Variants in NME8 observed in about 807,000 individuals in gnomAD.
NME8 encodes NME/NM23 family member 8.
In NME8, 72 loss-of-function variants were observed where a neutral mutation model predicts 82.3. That is an observed-to-expected ratio of 0.87 (90% confidence interval 0.72 to 1.06). The LOEUF (loss-of-function observed/expected upper bound fraction) is 1.06. NME8 is among the 50% of genes least tolerant of loss of function. The pLI, the probability that NME8 is intolerant of heterozygous loss-of-function variation, is 0.00. For synonymous variants in NME8, 267 were observed against 228.5 expected (o/e 1.17, Z -1.52); for missense variants, 712 against 685.4 (o/e 1.04, Z -0.43).
At chr7:37,855,420 TA>T (rs1562828536) in intron 5 of NME8, among the ~76,000 whole-genome samples, 1 of 152,166 alleles carries the variant, frequency 6.6e-6, no homozygotes, top group African/African-American at 2.4e-5. Context: ...CTGCAATGCA[TA>T]AAATGGTTGA....
intron 15 of NME8, among the ~76,000 whole-genome samples, chr7:37,890,864 T>C (rs114216665): frequency 0.02 from 3,088 of 152,090 alleles, 43 homozygotes; most frequent in Non-Finnish European, 0.019. Flanking sequence ...TTTATTTAGG[T>C]TGATTCCAAA....
intron 5 of NME8, among the ~76,000 whole-genome samples, chr7:37,856,966 A>C (rs964760246): frequency 3.3e-5 from 5 of 152,188 alleles, no homozygotes; most frequent in African/African-American, 1.2e-4. Flanking sequence ...GAAGTGAGAC[A>C]GAATTGGAGG....
chr7:37,863,063 T>C (rs1478738506), intron 7 of NME8, among the ~76,000 whole-genome samples: 1 of 152,014 alleles, frequency 6.6e-6, no homozygotes, highest in Admixed American at 6.6e-5. Context: ...GAGATTGCAG[T>C]GAGCCAAAAT....
At chr7:37,893,528 G>T (rs1374389155) in intron 15 of NME8, among the ~76,000 whole-genome samples, 1 of 151,990 alleles carries the variant, frequency 6.6e-6, no homozygotes, top group Non-Finnish European at 1.5e-5. Flanking sequence ...TCTGCACTTG[G>T]CATACATTAC....
At chr7:37,899,993 T>C (rs996782706) in intron 17 of NME8, among the ~76,000 whole-genome samples, 1 of 152,208 alleles carries the variant, frequency 6.6e-6, no homozygotes, top group African/African-American at 2.4e-5. Flanking sequence ...CTTGAACGGG[T>C]TGGGTAGAAA....
intron 12 of NME8, among the ~76,000 whole-genome samples, chr7:37,879,975 T>A (rs569756974): frequency 6.6e-6 from 1 of 152,334 alleles, no homozygotes; most frequent in African/African-American, 2.4e-5. Flanking sequence ...TTTCATATGC[T>A]TACTAATCAT....
intron 17 of NME8, 35 bp downstream of exon 17, chr7:37,897,142 T>A: frequency 7.3e-7 from 1 of 1,362,014 alleles, no homozygotes; most frequent in South Asian, 1.2e-5. Flanking sequence ...TTATTTTATT[T>A]GCTTGTTGCA....
intron 12 of NME8, among the ~76,000 whole-genome samples, chr7:37,879,491 A>C (rs2131962451): frequency 6.6e-6 from 1 of 152,206 alleles, no homozygotes; most frequent in South Asian, 2.1e-4. Context: ...AGCAATGTGC[A>C]TTTTGTGTTC....
At position 37,848,607 on chromosome 7, in the gene NME8, G is replaced by C. The variant is rs190608230; in HGVS notation, c.-362G>C. ...GGAGGATGGGGGATGGGAGTTTGGG[G>C]ATGAGGCAGCTGAAGAACAGAGTCT... On this transcript the variant is annotated 5_prime_UTR_variant, in exon 1 of 18. Transcript: ENST00000199447. 1 of 152,570 alleles carries C rather than the reference G, an allele frequency of 6.6e-6. No individual in the cohort carries two copies. Among genetic ancestry groups the C allele is most frequent in the Non-Finnish European group, 1.5e-5 (1 of 68,222 alleles). 9.5% of individuals were successfully genotyped at this position (152,570 alleles called of 1,614,324 possible). A position where few individuals can be genotyped will look rare whatever the true frequency, so the allele number is the denominator to read the frequency against.
chr7:37,882,599 G>GAAAGAAAC (rs1374421441), intron 12 of NME8, among the ~76,000 whole-genome samples: 13 of 39,786 alleles, frequency 3.3e-4, no homozygotes, highest in African/African-American at 7.2e-4. Context: ...AAGAAAGAAA[G>GAAAGAAAC]AGAGAGAGAG....
intron 15 of NME8, among the ~76,000 whole-genome samples, chr7:37,889,294 A>G (rs979046384): frequency 2.6e-5 from 4 of 151,664 alleles, no homozygotes; most frequent in African/African-American, 4.8e-5. Context: ...ATTCTCTTTC[A>G]AACAATAAAA....
chr7:37,894,046 T>C lies in NME8; in HGVS notation c.1400-420T>C, dbSNP rs1452443698. Among the ~76,000 whole-genome samples, 7 of 152,306 alleles carry C rather than the reference T, an allele frequency of 4.6e-5. No individual in the cohort carries two copies. In the East Asian group the frequency reaches 1.3e-3, roughly 29 times the overall value. ...GCTGTTGGTGAGATTTTGACAACAT[T>C]TGCTTTGTTTAATTCCCTCGATGGT... On this transcript the variant is annotated intron_variant, in intron 15 of 17. Transcript: ENST00000199447.
intron 11 of NME8, among the ~76,000 whole-genome samples, chr7:37,874,088 G>A (rs1784812194): frequency 6.6e-6 from 1 of 152,034 alleles, no homozygotes; most frequent in Admixed American, 6.6e-5. Context: ...GACATACTTA[G>A]CAATATATCA....
At chr7:37,862,448 C>G (rs1373590113) in intron 7 of NME8, among the ~76,000 whole-genome samples, 1 of 152,066 alleles carries the variant, frequency 6.6e-6, no homozygotes, top group Non-Finnish European at 1.5e-5. Flanking sequence ...GAAGCATATT[C>G]ATGGCTTCCC....
At chr7:37,854,609 G>C (rs542364608) in intron 5 of NME8, among the ~76,000 whole-genome samples, 15 of 152,154 alleles carry the variant, frequency 9.9e-5, no homozygotes, top group Non-Finnish European at 2.2e-4. Context: ...AAGCAGTCTT[G>C]AATAACTGGA....
At chr7:37,862,295 T>C in intron 7 of NME8, 151 bp downstream of exon 7, 1 of 679,354 alleles carries the variant, frequency 1.5e-6, no homozygotes, top group Non-Finnish European at 2.7e-6. Flanking sequence ...TTATTTGATG[T>C]TATCCTAAGT....
At chr7:37,875,627 A>G (rs1784836240) in intron 11 of NME8, among the ~76,000 whole-genome samples, 1 of 145,090 alleles carries the variant, frequency 6.9e-6, no homozygotes. Context: ...TTCTGTTTAG[A>G]AAAAAAAAAG....
intron 15 of NME8, among the ~76,000 whole-genome samples, chr7:37,890,276 A>G (rs1583644498): frequency 6.6e-6 from 1 of 151,990 alleles, no homozygotes; most frequent in African/African-American, 2.4e-5. Flanking sequence ...AATTCACTGT[A>G]ATAAAACAGT....
At chr7:37,899,525 G>A (rs1324276370) in intron 17 of NME8, among the ~76,000 whole-genome samples, 1 of 151,978 alleles carries the variant, frequency 6.6e-6, no homozygotes, top group African/African-American at 2.4e-5. Flanking sequence ...AGAGCCTGTC[G>A]GTGGGGGCTG....
Sources: allele counts gnomAD v4.1 joint callset (sites outside exome capture counted in the v4.1 genomes callset), GRCh38; gene constraint gnomAD v4.1.1; transcripts MANE v1.5; gene names NCBI Gene and HGNC (gene_info 2026-07-23, HGNC 2026-07-21).